Variants in GSE1 observed in about 807,000 individuals in gnomAD.
GSE1 encodes genetic suppressor element 1.
GSE1 carries 32 observed loss-of-function variants against 112.6 expected under a neutral mutation model. The observed-to-expected ratio is 0.28, with a 90% CI of 0.21 to 0.38. The LOEUF is 0.38. Among genes scored for constraint, GSE1 ranks in the 10% least tolerant of loss-of-function variants. The probability of loss-of-function intolerance (pLI) is 1.00; values close to 1 mark genes in which losing one functional copy is unlikely to be tolerated. For synonymous variants in GSE1, 1,115 were observed against 735.6 expected (o/e 1.52, Z -8.35); for missense variants, 2,348 against 1,699.2 (o/e 1.38, Z -6.71).
intron 1 of GSE1, among the ~76,000 whole-genome samples, chr16:85,214,770 G>T (rs1177208653): frequency 6.6e-6 from 1 of 152,162 alleles, no homozygotes; most frequent in Non-Finnish European, 1.5e-5. Flanking sequence ...TCCTAGGCAG[G>T]GTTGGCAGGC....
intron 11 of GSE1, chr16:85,664,775 C>T (rs1337127055): frequency 8.5e-6 from 4 of 468,582 alleles, no homozygotes; most frequent in Middle Eastern, 5.5e-4. Flanking sequence ...GGCGTCGTCA[C>T]CGCACGGACA....
intron 1 of GSE1, among the ~76,000 whole-genome samples, chr16:85,320,034 AG>A (rs2046069824): frequency 6.6e-6 from 1 of 152,186 alleles, no homozygotes; most frequent in Admixed American, 6.5e-5. Context: ...AACAAATTAC[AG>A]GTTCTCAGAT....
intron 2 of GSE1, among the ~76,000 whole-genome samples, chr16:85,508,967 G>A (rs1481075755): frequency 1.3e-5 from 2 of 152,206 alleles, no homozygotes; most frequent in Non-Finnish European, 2.9e-5. Flanking sequence ...ACTGGCGACT[G>A]GCTGGCTGGG....
At chr16:85,491,079 G>A (rs2050996279) in intron 2 of GSE1, among the ~76,000 whole-genome samples, 1 of 152,204 alleles carries the variant, frequency 6.6e-6, no homozygotes, top group Admixed American at 6.5e-5. Flanking sequence ...AGGCGCCGGG[G>A]GAGGGGTACA....
At chr16:85,650,911 G>C (rs1350723871) in intron 3 of GSE1, among the ~76,000 whole-genome samples, 3 of 152,030 alleles carry the variant, frequency 2.0e-5, no homozygotes, top group Non-Finnish European at 4.4e-5. Flanking sequence ...CCCAGGTGTA[G>C]TGGGAGCTGC....
At chr16:85,439,515 C>G (rs1224305764) in intron 2 of GSE1, among the ~76,000 whole-genome samples, 2 of 149,994 alleles carry the variant, frequency 1.3e-5, no homozygotes, top group Non-Finnish European at 3.0e-5. Flanking sequence ...CACTCACAGG[C>G]GGGGAAACAC....
At chr16:85,516,299 T>G (rs1567552787) in intron 2 of GSE1, among the ~76,000 whole-genome samples, 1 of 150,754 alleles carries the variant, frequency 6.6e-6, no homozygotes, top group Non-Finnish European at 1.5e-5. Context: ...CTTGTGACTG[T>G]GACTGGGAGA....
intron 2 of GSE1, among the ~76,000 whole-genome samples, chr16:85,459,075 C>T (rs1189387301): frequency 6.6e-6 from 1 of 152,250 alleles, no homozygotes; most frequent in Admixed American, 6.5e-5. Flanking sequence ...CGGCTGCTGC[C>T]TGTGGTGCCT....
At chr16:85,426,490 G>C (rs1182921313) in intron 2 of GSE1, among the ~76,000 whole-genome samples, 1 of 119,482 alleles carries the variant, frequency 8.4e-6, no homozygotes. Context: ...GGGTAGATGT[G>C]TATATGGATG....
intron 1 of GSE1, among the ~76,000 whole-genome samples, chr16:85,176,463 G>A (rs1183694666): frequency 3.3e-5 from 5 of 152,234 alleles, no homozygotes; most frequent in Admixed American, 2.0e-4. Context: ...GTGGTGCCCC[G>A]TGCCTTGGCT....
chr16:85,395,929 C>T (rs1042247663), intron 2 of GSE1, among the ~76,000 whole-genome samples: 1 of 152,162 alleles, frequency 6.6e-6, no homozygotes, highest in African/African-American at 2.4e-5. Flanking sequence ...CGGCCTGAGT[C>T]CCCCCAGCCT....
At chr16:85,670,891 G>A (rs377469964) in intron 14 of GSE1, 104 bp from the exon 15 acceptor site, 14 of 722,542 alleles carry the variant, frequency 1.9e-5, no homozygotes, top group South Asian at 1.9e-4. Flanking sequence ...CTGCACTGGA[G>A]AGAGGTTTTG....
chr16:85,425,577 G>A (rs1427828976), intron 2 of GSE1, among the ~76,000 whole-genome samples: 2 of 152,202 alleles, frequency 1.3e-5, no homozygotes, highest in Non-Finnish European at 2.9e-5. Flanking sequence ...GGCGGAGACT[G>A]AGCCGCAGGG....
rs1017836256 is a variant in GSE1 at position 85,336,012 on chromosome 16, GTGGGACCCAGGCCTTCC to G, written c.2284-21442_2284-21426del. ...AGGGCAGGACCGCATACTAGGACAG[GTGGGACCCAGGCCTTCC>G]TGGGACCCTAGTGTCTCCGAGATAT... On this transcript the variant is annotated intron_variant, in intron 1 of 2. Transcript: ENST00000637419. Among the ~76,000 whole-genome samples, 57 of 152,308 alleles carry G rather than the reference GTGGGACCCAGGCCTTCC, an allele frequency of 3.7e-4. 1 individual carries two copies. Among genetic ancestry groups the G allele is most frequent in the Admixed American group, 3.7e-3 (57 of 15,306 alleles).
At chr16:85,616,237 C>T (rs1403483688) in intron 1 of GSE1, among the ~76,000 whole-genome samples, 1 of 152,256 alleles carries the variant, frequency 6.6e-6, no homozygotes, top group Non-Finnish European at 1.5e-5. Context: ...CTGTCCTCCC[C>T]TGCTCTGAAG....
chr16:85,611,408 C>T, upstream of GSE1: 5 of 951,384 alleles, frequency 5.3e-6, no homozygotes, highest in South Asian at 4.8e-5. Flanking sequence ...GCGGCCGAGC[C>T]ACCGTGTGGT....
At chr16:85,169,624 G>A (rs1042004199) in exon 1 of GSE1, 2 of 982,446 alleles carry the variant, frequency 2.0e-6, no homozygotes, top group African/African-American at 3.5e-5. Flanking sequence ...CTTCATCTGC[G>A]GCGGCGGCAT....
intron 1 of GSE1, among the ~76,000 whole-genome samples, chr16:85,622,164 G>A (rs890779862): frequency 6.6e-6 from 1 of 152,186 alleles, no homozygotes; most frequent in African/African-American, 2.4e-5. Context: ...TTGGTGGCTG[G>A]GTTGGATGAG....
chr16:85,357,333 T>C (rs1201722923), intron 1 of GSE1: 1 of 462,430 alleles, frequency 2.2e-6, no homozygotes, highest in Non-Finnish European at 3.3e-6. Flanking sequence ...AGCCAGCCAG[T>C]CTGAGTTCCT....
Sources: allele counts gnomAD v4.1 joint callset (sites outside exome capture counted in the v4.1 genomes callset), GRCh38; gene constraint gnomAD v4.1.1; transcripts MANE v1.5; gene names NCBI Gene and HGNC (gene_info 2026-07-23, HGNC 2026-07-21).